PRPF39: variants seen among roughly 807,000 people sequenced by gnomAD.
The protein encoded by PRPF39 is pre-mRNA processing factor 39.
PRPF39 carries 27 observed loss-of-function variants against 82.1 expected under a neutral mutation model. That is an observed-to-expected ratio of 0.33 (90% CI 0.24 to 0.45). The LOEUF (loss-of-function observed/expected upper bound fraction) is 0.45. Among genes scored for constraint, PRPF39 ranks in the 20% least tolerant of loss-of-function variants. The pLI, the probability that PRPF39 is intolerant of heterozygous loss-of-function variation, is 1.00. For missense variants in PRPF39, 581 were observed against 796.9 expected (o/e 0.73, Z 3.26); for synonymous variants, 261 against 256.4 (o/e 1.02, Z -0.17).
In PRPF39 at chr14:45,107,546, A is replaced by T. The variant is rs1446636782; in HGVS notation, c.833A>T (p.His278Leu). The T allele has an allele frequency of 3.2e-6, 5 of 1,555,528 alleles. No homozygotes were observed. Among genetic ancestry groups the T allele is most frequent in the Non-Finnish European group, 4.4e-6 (5 of 1,148,344 alleles). The change falls in exon 6 of 14, where the codon CAT becomes CTT. Residue 278 changes from histidine (H) to leucine (L), a missense_variant. Physicochemically the swap from His to Leu is moderately conservative, Grantham distance 99. Transcript: ENST00000355765. Reference protein sequence around the residue: ...LRRELASVNGHSGDDGPPGDD... With the variant: ...LRRELASVNGLSGDDGPPGDD... ...AGGGAATTAGCTTCTGTAAATGGTC[A>T]TAGTGGTGATGATGGTCCTCCTGGT...
intron 5 of PRPF39, among the ~76,000 whole-genome samples, chr14:45,106,978 G>T (rs1055885106): frequency 3.3e-5 from 5 of 152,164 alleles, no homozygotes; most frequent in Admixed American, 3.3e-4. Flanking sequence ...GGAAGGAAAT[G>T]CTATATTTGT....
In PRPF39 at chr14:45,115,362, A is replaced by ATACT. The variant is rs1185313575; in HGVS notation, c.*451_*454dup. On this transcript the variant is annotated 3_prime_UTR_variant, in exon 14 of 14. Transcript: ENST00000355765. ...TGACAAGGTTTTGTCTGTTTCAGTT[A>ATACT]TACTTGTGAATTGTGATCTAACTGC... is the stretch of plus-strand genomic sequence containing the variant. 1 of 148,110 alleles carries ATACT rather than the reference A, an allele frequency of 6.8e-6. No homozygotes were observed. Among genetic ancestry groups the ATACT allele is most frequent in the East Asian group, 2.0e-4 (1 of 5,052 alleles). The allele number at this position is 148,110 out of a possible 1,614,324, so 9.2% of individuals were successfully genotyped here. A position where few individuals can be genotyped will look rare whatever the true frequency, so the allele number is the denominator to read the frequency against.
At chr14:45,090,290 T>TTAA (rs1230130933) in intron 1 of PRPF39, among the ~76,000 whole-genome samples, 1 of 152,252 alleles carries the variant, frequency 6.6e-6, no homozygotes, top group African/African-American at 2.4e-5. Context: ...GTTGATGACA[T>TTAA]TAATCATACA....
chr14:45,092,192 C>A lies in PRPF39; in HGVS notation c.-19-3029C>A, dbSNP rs549436511. On this transcript the variant is annotated intron_variant, in intron 1 of 13. Transcript: ENST00000355765. ...CACTTACATGAGATTAACTATATTGCTGCTTTGAATGAAATCAGTATTTTA... is the reference window on the plus strand; with the variant it reads ...CACTTACATGAGATTAACTATATTGATGCTTTGAATGAAATCAGTATTTTA... Among the ~76,000 whole-genome samples, 8 of 152,292 alleles carry A rather than the reference C, an allele frequency of 5.3e-5. No homozygotes were observed. In the East Asian group the frequency reaches 1.5e-3, roughly 29 times the overall value.
intron 13 of PRPF39, 83 bp from the exon 14 acceptor site, chr14:45,114,774 A>G (rs1249082945): frequency 7.1e-7 from 1 of 1,405,400 alleles, no homozygotes; most frequent in Non-Finnish European, 9.9e-7. Context: ...TGTTTTCTTA[A>G]ACATAGCTGC....
intron 5 of PRPF39, among the ~76,000 whole-genome samples, chr14:45,103,064 A>AT (rs912958692): frequency 6.6e-6 from 1 of 151,912 alleles, no homozygotes; most frequent in Non-Finnish European, 1.5e-5. Flanking sequence ...ATAGATGCTT[A>AT]TTTTTTTTGA....
intron 7 of PRPF39, among the ~76,000 whole-genome samples, chr14:45,109,403 C>A (rs1884635407): frequency 6.6e-6 from 1 of 151,936 alleles, no homozygotes. Context: ...ATGTAATTGG[C>A]AAAATGGCAG....
chr14:45,097,876 A>G (rs1884250413), intron 4 of PRPF39, among the ~76,000 whole-genome samples: 1 of 152,212 alleles, frequency 6.6e-6, no homozygotes, highest in African/African-American at 2.4e-5. Flanking sequence ...CTTGTAACAA[A>G]AAGTACCACC....
chr14:45,110,644 C>T lies in PRPF39; in HGVS notation c.1399C>T (p.Arg467Trp). ...VRLRRVSLER[R>W]HGNLEEAEHL... is the part of the protein sequence containing the mutation. ...TTTACGAAGAGTAAGTTTAGAACGA[C>T]GGCATGGAAATCTGGAAGAAGCTGA... The change falls in exon 10 of 14, where the codon CGG (arginine) becomes TGG (tryptophan). Residue 467 changes from arginine to tryptophan, a missense_variant. By Grantham distance (101) the Arg-to-Trp change is moderately radical. Transcript: ENST00000355765. The surrounding 1 kb of genome is among the most constrained non-coding windows in gnomAD (Gnocchi z 4.0). The T allele has an allele frequency of 6.3e-7, 1 of 1,576,070 alleles. No homozygotes were observed. Among genetic ancestry groups the T allele is most frequent in the Non-Finnish European group, 8.6e-7 (1 of 1,159,436 alleles).
At chr14:45,092,004 A>G (rs1057021098) in intron 1 of PRPF39, among the ~76,000 whole-genome samples, 17 of 152,234 alleles carry the variant, frequency 1.1e-4, no homozygotes, top group Non-Finnish European at 2.4e-4. Context: ...CCAATCCCTT[A>G]TAGACTACTT....
intron 4 of PRPF39, among the ~76,000 whole-genome samples, chr14:45,098,149 T>A (rs1884258156): frequency 1.3e-5 from 2 of 152,174 alleles, no homozygotes; most frequent in African/African-American, 4.8e-5. Context: ...GCACAGTGGC[T>A]TATACCTGTA....
intron 1 of PRPF39, among the ~76,000 whole-genome samples, chr14:45,085,543 G>A (rs938526194): frequency 1.3e-5 from 2 of 152,204 alleles, no homozygotes; most frequent in Non-Finnish European, 2.9e-5. Context: ...AGCCGAAGGA[G>A]GAAGAAGGTA....
At chr14:45,114,794 A>C in intron 13 of PRPF39, 63 bp from the exon 14 acceptor site, 1 of 1,448,744 alleles carries the variant, frequency 6.9e-7, no homozygotes, top group Non-Finnish European at 9.6e-7. Flanking sequence ...CTTTAATTAT[A>C]CTTTTACATA....
Position 45,102,665 on chromosome 14 carries a change from C to A in PRPF39, c.706C>A (p.Pro236Thr). ...TAIYDRILGIPTQLYSHHFQR... is the reference protein window; with the variant it reads ...TAIYDRILGITTQLYSHHFQR... ...TATATATGATCGTATTCTTGGTATT[C>A]CAACACAGCTGTATAGTCATCATTT... The change falls in exon 5 of 14, where the codon CCA becomes ACA. Residue 236 changes from proline (P) to threonine (T), a missense_variant. Pro to Thr is a conservative substitution (Grantham distance 38, BLOSUM62 -1). Transcript: ENST00000355765. The A allele has an allele frequency of 6.2e-7, 1 of 1,609,446 alleles. No individual in the cohort carries two copies. The highest frequency in any genetic ancestry group is 1.1e-5 in the South Asian group (1 of 90,012).
At chr14:45,111,073 A>G (rs998187673) in intron 10 of PRPF39, 18 of 417,208 alleles carry the variant, frequency 4.3e-5, no homozygotes, top group Non-Finnish European at 6.9e-5. Context: ...TTCCCTTTAG[A>G]AATTATCAAC....
chr14:45,095,500 T>C lies in PRPF39; in HGVS notation c.261T>C (p.Thr87=), dbSNP rs1412485715. Residue 87 remains threonine, a synonymous_variant, in exon 2 of 14, where the codon ACT becomes ACC. Coordinates refer to ENST00000355765, the MANE Select transcript of PRPF39 (RefSeq NM_017922.4). ...CAGAATATGAAAAATTTTGGAAAAC[T>C]GTAGAAAATAATCCTCAGGATTTTA... ...FPPEYEKFWK[T]VENNPQDFTG... 13 of 1,613,540 alleles carry C rather than the reference T, an allele frequency of 8.1e-6. No individual in the cohort carries two copies. The highest frequency in any genetic ancestry group is 1.1e-5 in the South Asian group (1 of 91,028).
intron 1 of PRPF39, among the ~76,000 whole-genome samples, chr14:45,091,182 A>G (rs1471347371): frequency 6.6e-6 from 1 of 152,062 alleles, no homozygotes; most frequent in Non-Finnish European, 1.5e-5. Context: ...TCTGTCTCCC[A>G]GGCTGGAGTG....
chr14:45,091,422 T>C (rs368395789), intron 1 of PRPF39, among the ~76,000 whole-genome samples: 2 of 152,202 alleles, frequency 1.3e-5, no homozygotes, highest in South Asian at 2.1e-4. Context: ...GATATAGGTG[T>C]GAGCCACCTT....
chr14:45,103,910 T>C (rs1356066319), intron 5 of PRPF39, among the ~76,000 whole-genome samples: 2 of 152,062 alleles, frequency 1.3e-5, no homozygotes, highest in African/African-American at 4.8e-5. Context: ...GGAAAAAAAA[T>C]ATTTGTAGGA....
Sources: allele counts gnomAD v4.1 joint callset (sites outside exome capture counted in the v4.1 genomes callset), GRCh38; gene constraint gnomAD v4.1.1; non-coding constraint Gnocchi (gnomAD v3.1); transcripts MANE v1.5; gene names NCBI Gene and HGNC (gene_info 2026-07-23, HGNC 2026-07-21).